TMCC3: variants seen among roughly 807,000 people sequenced by gnomAD.
TMCC3 encodes transmembrane and coiled-coil domain family 3, also known as transmembrane and coiled-coil domain protein 3.
TMCC3 carries 28 observed loss-of-function variants against 40.2 expected under a neutral mutation model. That is an observed-to-expected ratio of 0.70 (90% CI 0.52 to 0.95). The LOEUF (loss-of-function observed/expected upper bound fraction) is 0.95. Ranked by LOEUF, TMCC3 falls within the 40% of genes least tolerant of loss-of-function variation. The pLI, the probability that TMCC3 is intolerant of heterozygous loss-of-function variation, is 0.00. For missense variants in TMCC3, 554 were observed against 615.2 expected, an observed-to-expected ratio of 0.90 and a Z score of 1.05; for synonymous variants, 255 against 248.5, an observed-to-expected ratio of 1.03 and a Z score of -0.25.
At chr12:94,600,662 C>T (rs973344549) in intron 1 of TMCC3, among the ~76,000 whole-genome samples, 17 of 152,200 alleles carry the variant, frequency 1.1e-4, no homozygotes, top group Non-Finnish European at 4.4e-5. Context: ...TCAACACTTA[C>T]ACCATTCCCT....
intron 1 of TMCC3, among the ~76,000 whole-genome samples, chr12:94,602,698 C>A (rs181538665): frequency 1.3e-5 from 2 of 152,312 alleles, no homozygotes; most frequent in East Asian, 3.9e-4. Flanking sequence ...CTCCAGTGAT[C>A]TTCCTCAGCA....
At chr12:94,622,037 G>A (rs1422539679) in intron 1 of TMCC3, among the ~76,000 whole-genome samples, 1 of 152,218 alleles carries the variant, frequency 6.6e-6, no homozygotes, top group Non-Finnish European at 1.5e-5. Flanking sequence ...ACCAGGTGAA[G>A]CGGGAACACA....
At position 94,570,664 on chromosome 12, in the gene TMCC3, A is replaced by G. The variant is rs1481527591; in HGVS notation, c.*771T>C. ...TCACAGGATTCCAAATTAATGTTAA[A>G]GTCACAGTCTGATGAGGGATTTGAA... On this transcript the variant is annotated 3_prime_UTR_variant, in exon 4 of 4. Coordinates refer to ENST00000261226, the MANE Select transcript of TMCC3 (RefSeq NM_020698.4). 1 of 152,642 alleles carries G rather than the reference A, an allele frequency of 6.6e-6. No homozygotes were observed. Among genetic ancestry groups the G allele is most frequent in the Non-Finnish European group, 1.5e-5 (1 of 68,034 alleles). The allele number at this position is 152,642 out of a possible 1,614,324, so 9.5% of individuals were successfully genotyped here.
At chr12:94,635,726 G>A (rs1192524421) in intron 1 of TMCC3, among the ~76,000 whole-genome samples, 1 of 139,634 alleles carries the variant, frequency 7.2e-6, no homozygotes, top group Admixed American at 7.8e-5. Context: ...ATGGAGTGCA[G>A]TGGCACGATC....
chr12:94,615,737 GT>G (rs2068844250), intron 1 of TMCC3, among the ~76,000 whole-genome samples: 1 of 152,202 alleles, frequency 6.6e-6, no homozygotes, highest in Non-Finnish European at 1.5e-5. Flanking sequence ...CGTTTAGGCA[GT>G]TTAAGTATCT....
At position 94,585,467 on chromosome 12, in the gene TMCC3, C is replaced by T. The variant is rs574495914; in HGVS notation, c.79-2929G>A. On this transcript the variant is annotated intron_variant, in intron 1 of 3. Coordinates refer to ENST00000261226, the MANE Select transcript of TMCC3 (RefSeq NM_020698.4). Reference sequence around the variant, plus strand: ...ATCTCAGCACTTTGGGAGGCTGAGGCGGGTGGATCATAAGGTCAGGAGATC... The same window carrying T: ...ATCTCAGCACTTTGGGAGGCTGAGGTGGGTGGATCATAAGGTCAGGAGATC... Among the ~76,000 whole-genome samples, 12 of 152,148 alleles carry T rather than the reference C, an allele frequency of 7.9e-5. No homozygotes were observed. In the South Asian group the frequency reaches 1.0e-3, roughly 13 times the overall value.
intron 1 of TMCC3, among the ~76,000 whole-genome samples, chr12:94,623,299 T>C (rs2068885571): frequency 6.6e-6 from 1 of 152,106 alleles, no homozygotes; most frequent in Non-Finnish European, 1.5e-5. Flanking sequence ...TTAACATTTG[T>C]TGAGTGCCTA....
At chr12:94,597,961 G>A (rs2068728662) in intron 1 of TMCC3, among the ~76,000 whole-genome samples, 2 of 152,032 alleles carry the variant, frequency 1.3e-5, no homozygotes, top group Admixed American at 6.6e-5. Flanking sequence ...GTCCAAGAAG[G>A]CAACGACTTG....
At chr12:94,604,975 T>C (rs2068774835) in intron 1 of TMCC3, among the ~76,000 whole-genome samples, 1 of 152,058 alleles carries the variant, frequency 6.6e-6, no homozygotes, top group Admixed American at 6.6e-5. Flanking sequence ...AAGGAAAAAC[T>C]AGAATATGTA....
At chr12:94,572,330 A>ATTTTTTTTTTTTTTTT (rs1178986394) in intron 3 of TMCC3, among the ~76,000 whole-genome samples, 1 of 82,910 alleles carries the variant, frequency 1.2e-5, no homozygotes, top group Non-Finnish European at 2.1e-5. Context: ...TTTTTTTTTG[A>ATTTTTTTTTTTTTTTT]GACAGAGTTT....
chr12:94,636,739 T>C (rs985465011), intron 1 of TMCC3, among the ~76,000 whole-genome samples: 2 of 152,228 alleles, frequency 1.3e-5, no homozygotes, highest in Non-Finnish European at 2.9e-5. Flanking sequence ...AAACAAACTG[T>C]CGTGCTATGG....
chr12:94,630,978 C>G (rs2068930438), intron 1 of TMCC3, among the ~76,000 whole-genome samples: 1 of 152,176 alleles, frequency 6.6e-6, no homozygotes, highest in South Asian at 2.1e-4. Flanking sequence ...ATCTGCCCAC[C>G]TCCCAGAGTG....
At chr12:94,590,079 G>A (rs1455688604) in intron 1 of TMCC3, among the ~76,000 whole-genome samples, 1 of 76,366 alleles carries the variant, frequency 1.3e-5, no homozygotes, top group Non-Finnish European at 2.9e-5. Context: ...CATCAGTCAG[G>A]TCTGATATAG....
chr12:94,591,090 T>C (rs1240085338), intron 1 of TMCC3: 2 of 489,094 alleles, frequency 4.1e-6, no homozygotes, highest in South Asian at 1.6e-5. Context: ...TCCTGGGAGA[T>C]GGTCGTGCTG....
At chr12:94,637,115 C>T (rs1377022664) in intron 1 of TMCC3, among the ~76,000 whole-genome samples, 1 of 151,808 alleles carries the variant, frequency 6.6e-6, no homozygotes, top group African/African-American at 2.4e-5. Flanking sequence ...TAGTAGAAAA[C>T]CAATACAAAT....
chr12:94,615,050 G>A (rs567962816), intron 1 of TMCC3, among the ~76,000 whole-genome samples: 2 of 152,202 alleles, frequency 1.3e-5, no homozygotes, highest in South Asian at 4.2e-4. Context: ...CTGAAGACTG[G>A]GGATCACTAT....
chr12:94,634,273 T>C (rs1156461958), intron 1 of TMCC3, among the ~76,000 whole-genome samples: 1 of 152,108 alleles, frequency 6.6e-6, no homozygotes, highest in Non-Finnish European at 1.5e-5. Context: ...TATTTATCTA[T>C]CTGTTACCAT....
Position 94,590,797 on chromosome 12 carries a change from G to A in TMCC3, c.79-8259C>T, listed in dbSNP as rs570549956. 2.4e-4 allele frequency: 107 copies of A among 453,504 alleles called. 1 individual carries two copies. Among genetic ancestry groups the A allele is most frequent in the South Asian group, 1.9e-3 (100 of 51,906 alleles). 28.1% of individuals were successfully genotyped at this position (453,504 alleles called of 1,614,324 possible). On this transcript the variant is annotated intron_variant, in intron 1 of 3. Transcript: ENST00000261226. ...TTGCTCCTGTGTTCTCAGGAGAGGCGGGAGACGGCGCAGGGTCTGAAACAT... is the reference window on the plus strand; with the variant it reads ...TTGCTCCTGTGTTCTCAGGAGAGGCAGGAGACGGCGCAGGGTCTGAAACAT...
At chr12:94,609,516 AT>A (rs1289597280) in intron 1 of TMCC3, among the ~76,000 whole-genome samples, 1 of 152,058 alleles carries the variant, frequency 6.6e-6, no homozygotes, top group African/African-American at 2.4e-5. Flanking sequence ...TAGCAACTTG[AT>A]TTTTTGCAGC....
Sources: gnomAD v4.1 joint callset for allele counts (sites outside exome capture counted in the v4.1 genomes callset) on GRCh38, gnomAD v4.1.1 for gene constraint, MANE v1.5 for transcripts, NCBI Gene and HGNC (gene_info 2026-07-23, HGNC 2026-07-21) for gene names.